Variants in ARHGDIB observed in about 807,000 individuals in gnomAD.
The protein encoded by ARHGDIB is rho GDP-dissociation inhibitor 2.
A neutral mutation model predicts 22.6 loss-of-function variants in ARHGDIB; 20 were observed. The ratio of observed to expected loss-of-function variants is 0.88; its 90% CI spans 0.62 to 1.28. ARHGDIB has a LOEUF of 1.28. Ranked by LOEUF, ARHGDIB falls within the 50% of genes most tolerant of loss-of-function variation. The pLI is 0.00. For synonymous variants in ARHGDIB, 114 were observed against 96.1 expected, an observed-to-expected ratio of 1.19 and a Z score of -1.09; for missense variants, 254 against 245.4, an observed-to-expected ratio of 1.04 and a Z score of -0.23.
In ARHGDIB at chr12:14,950,571, A is replaced by G. The variant is rs756928111; in HGVS notation, c.142T>C (p.Tyr48His). 6.2e-7 allele frequency: 1 copy of G among 1,613,850 alleles called. No homozygotes were observed. Among genetic ancestry groups the G allele is most frequent in the Non-Finnish European group, 8.5e-7 (1 of 1,179,886 alleles). Residue 48 changes from tyrosine (Y) to histidine (H), a missense_variant, in exon 2 of 6, where the codon TAC becomes CAC. Coordinates refer to ENST00000228945, the MANE Select transcript of ARHGDIB (RefSeq NM_001175.7). ...MDKDDESLIK[Y>H]KKTLLGDGPV... The stretch of plus-strand genomic sequence containing the variant: ...CCATCTCCCAGCAGCGTTTTCTTGT[A>G]CTTAATTAGACTCTCATCATCTTTG...
At chr12:14,950,017 G>A in intron 2 of ARHGDIB, 132 bp from the exon 3 acceptor site, 2 of 842,832 alleles carry the variant, frequency 2.4e-6, no homozygotes, top group South Asian at 1.7e-5. Context: ...AGAAATGGAT[G>A]TGGCAGGTTT....
At chr12:14,953,887 C>G (rs757415980) in intron 1 of ARHGDIB, among the ~76,000 whole-genome samples, 12 of 151,536 alleles carry the variant, frequency 7.9e-5, no homozygotes, top group Non-Finnish European at 1.6e-4. Flanking sequence ...TTCTTTGTCT[C>G]TCTCTCTCCC....
chr12:14,960,662 C>A (rs1312429793), intron 1 of ARHGDIB, among the ~76,000 whole-genome samples: 1 of 152,146 alleles, frequency 6.6e-6, no homozygotes, highest in Non-Finnish European at 1.5e-5. Flanking sequence ...CACCACCACA[C>A]CCAGCTAATT....
chr12:14,959,500 T>A (rs1864368283), intron 1 of ARHGDIB, among the ~76,000 whole-genome samples: 1 of 152,200 alleles, frequency 6.6e-6, no homozygotes, highest in Non-Finnish European at 1.5e-5. Context: ...AAAGTTTTTA[T>A]CACCAGGCCT....
At chr12:14,952,277 CAAAAAAA>C (rs3084566) in intron 1 of ARHGDIB, among the ~76,000 whole-genome samples, 3 of 127,348 alleles carry the variant, frequency 2.4e-5, no homozygotes, top group Non-Finnish European at 3.3e-5. Context: ...TTAATGGAAC[CAAAAAAA>C]AAAAAAAAAA....
At chr12:14,950,375 C>T (rs1430778939) in intron 2 of ARHGDIB, among the ~76,000 whole-genome samples, 157 bp downstream of exon 2, 1 of 152,222 alleles carries the variant, frequency 6.6e-6, no homozygotes. Flanking sequence ...CTTAATTATA[C>T]AGTTCATAAC....
chr12:14,943,204 AT>A, intron 5 of ARHGDIB, among the ~76,000 whole-genome samples: 1 of 152,214 alleles, frequency 6.6e-6, no homozygotes, highest in Non-Finnish European at 1.5e-5. Flanking sequence ...TCTTTAAAAC[AT>A]TTTTTAAGTT....
At chr12:14,942,752 G>A (rs1237782193) in intron 5 of ARHGDIB, 31 bp from the exon 6 acceptor site, 1 of 1,595,860 alleles carries the variant, frequency 6.3e-7, no homozygotes, top group Non-Finnish European at 8.6e-7. Context: ...ATTAGGGTAA[G>A]AGCCTGATAG....
intron 1 of ARHGDIB, among the ~76,000 whole-genome samples, chr12:14,960,019 G>T (rs185539179): frequency 5.9e-5 from 9 of 152,278 alleles, no homozygotes; most frequent in African/African-American, 2.2e-4. Flanking sequence ...CTGGACCTCT[G>T]CCCCCTGTCT....
At chr12:14,946,433 A>G (rs1369846493) in intron 4 of ARHGDIB, among the ~76,000 whole-genome samples, 1 of 152,248 alleles carries the variant, frequency 6.6e-6, no homozygotes, top group African/African-American at 2.4e-5. Flanking sequence ...ACATTTTTCA[A>G]GAGACTTCAG....
At chr12:14,961,188 A>C (rs969680692) in intron 1 of ARHGDIB, 1 of 152,266 alleles carries the variant, frequency 6.6e-6, no homozygotes, top group Non-Finnish European at 1.5e-5. Flanking sequence ...TTTTCTTCCA[A>C]GCCTGGCCAG....
rs184513812 is a variant in ARHGDIB at position 14,957,450 on chromosome 12, A to G, written c.-13+4087T>C. Among the ~76,000 whole-genome samples, 326 of 152,320 alleles carry G rather than the reference A, an allele frequency of 2.1e-3. 1 individual carries two copies. The highest frequency in any genetic ancestry group is 3.8e-3 in the Non-Finnish European group (261 of 68,022). ...ATGTCCCCACTCCTTCCTCCTTAAA[A>G]ATAGATTTTTGTCTTTGAGGAGTAT... On this transcript the variant is annotated intron_variant, in intron 1 of 5. Coordinates refer to ENST00000228945, the MANE Select transcript of ARHGDIB (RefSeq NM_001175.7).
intron 1 of ARHGDIB, among the ~76,000 whole-genome samples, chr12:14,954,511 T>C (rs75603354): frequency 0.014 from 2,145 of 152,320 alleles, 38 homozygotes; most frequent in African/African-American, 0.047. Flanking sequence ...GCTCTCTTCA[T>C]TGAACTAGGC....
intron 1 of ARHGDIB, among the ~76,000 whole-genome samples, chr12:14,960,395 C>T (rs1002046362): frequency 9.2e-5 from 14 of 152,192 alleles, no homozygotes; most frequent in African/African-American, 3.4e-4. Context: ...GATCAGCTGT[C>T]CTAGCTGGGC....
chr12:14,953,881 TTGTC>T (rs1042001865), intron 1 of ARHGDIB, among the ~76,000 whole-genome samples: 4 of 151,324 alleles, frequency 2.6e-5, no homozygotes, highest in African/African-American at 9.7e-5. Flanking sequence ...CTTTCTTTCT[TTGTC>T]TCTCTCTCTC....
intron 1 of ARHGDIB, among the ~76,000 whole-genome samples, chr12:14,960,279 C>T (rs1464304601): frequency 6.6e-6 from 1 of 152,188 alleles, no homozygotes; most frequent in Non-Finnish European, 1.5e-5. Flanking sequence ...ATGAAACATG[C>T]TGGCTGGGAA....
intron 4 of ARHGDIB, among the ~76,000 whole-genome samples, chr12:14,947,497 T>C (rs1396905309): frequency 6.6e-6 from 1 of 152,238 alleles, no homozygotes; most frequent in Non-Finnish European, 1.5e-5. Context: ...CAAAGTTTTG[T>C]GTGAAATATT....
In ARHGDIB at chr12:14,942,584, C is replaced by T. The variant is rs1282620816; in HGVS notation, c.544G>A (p.Asp182Asn). ...YHNKSFFTDD[D>N]KQDHLSWEWN... Reference sequence around the variant, plus strand: ...TCCCAGCTGAGGTGGTCTTGCTTGTCATCGTCGGTGAAGAAGGACTTGTTG... The same window carrying T: ...TCCCAGCTGAGGTGGTCTTGCTTGTTATCGTCGGTGAAGAAGGACTTGTTG... Residue 182 changes from aspartate (D) to asparagine (N), a missense_variant, in exon 6 of 6, where the codon GAC (aspartate) becomes AAC (asparagine). Coordinates refer to ENST00000228945, the MANE Select transcript of ARHGDIB (RefSeq NM_001175.7). The T allele has an allele frequency of 6.2e-7, 1 of 1,614,174 alleles. No individual in the cohort carries two copies. The highest frequency in any genetic ancestry group is 8.5e-7 in the Non-Finnish European group (1 of 1,180,032).
chr12:14,959,434 T>C (rs369188124), intron 1 of ARHGDIB, among the ~76,000 whole-genome samples: 36 of 152,298 alleles, frequency 2.4e-4, no homozygotes, highest in Admixed American at 1.3e-3. Context: ...TGTATCAGTA[T>C]GTAATTTTAG....
Sources: gnomAD v4.1 joint callset for allele counts (sites outside exome capture counted in the v4.1 genomes callset) on GRCh38, gnomAD v4.1.1 for gene constraint, MANE v1.5 for transcripts, NCBI Gene and HGNC (gene_info 2026-07-23, HGNC 2026-07-21) for gene names.